CABLES1: variants seen among roughly 807,000 people sequenced by gnomAD.
The protein encoded by CABLES1 is Cdk5 and Abl enzyme substrate 1, also known as CDK5 and ABL1 enzyme substrate 1.
Under a neutral mutation model 57.8 loss-of-function variants are expected in CABLES1, and 36 were observed. That is an observed-to-expected ratio of 0.62 (90% CI 0.48 to 0.82). The LOEUF is 0.82. Among genes scored for constraint, CABLES1 ranks in the 40% least tolerant of loss-of-function variants. The pLI, the probability that CABLES1 is intolerant of heterozygous loss-of-function variation, is 0.00. For missense variants in CABLES1, 767 were observed against 836.6 expected (o/e 0.92, Z 1.03); for synonymous variants, 374 against 363.0 (o/e 1.03, Z -0.35).
chr18:23,202,306 GAAGTTCAAAAGCAACTCAAGATCTTTT>G (rs1470218906), intron 3 of CABLES1, among the ~76,000 whole-genome samples: 2 of 152,220 alleles, frequency 1.3e-5, no homozygotes, highest in Non-Finnish European at 2.9e-5. Context: ...ATTTGGATAT[GAAGTTCAAAAGCAACTCAAGATCTTTT>G]TGAAAAGCTG....
intron 2 of CABLES1, chr18:23,189,247 C>G (rs1056694651): frequency 9.1e-6 from 2 of 219,874 alleles, no homozygotes; most frequent in Non-Finnish European, 9.1e-6. Flanking sequence ...ACAGTAGGTA[C>G]AGTCCTGGAC....
At chr18:23,232,242 T>C (rs1298490786) in intron 4 of CABLES1, among the ~76,000 whole-genome samples, 3 of 152,302 alleles carry the variant, frequency 2.0e-5, no homozygotes, top group East Asian at 3.9e-4. Flanking sequence ...CAGCCCTAAG[T>C]AACATTCTCC....
rs1005625236 is a variant in CABLES1, at chr18:23,257,551, C to T, written c.*184C>T. 8.2e-6 allele frequency: 5 copies of T among 611,880 alleles called. No homozygotes were observed. Among genetic ancestry groups the T allele is most frequent in the Non-Finnish European group, 1.3e-5 (5 of 374,196 alleles). 37.9% of individuals were successfully genotyped at this position (611,880 alleles called of 1,614,324 possible). ...TCTTGGGTGTGTAGCCAAGAGGAGC[C>T]ATGAGCTATGGACTCCTCAAGCACG... On this transcript the variant is annotated 3_prime_UTR_variant, in exon 10 of 10. Transcript: ENST00000256925.
At position 23,230,244 on chromosome 18, in the gene CABLES1, C is replaced by T. The variant is rs183267779; in HGVS notation, c.1089-4364C>T. Among the ~76,000 whole-genome samples, 160 of 152,222 alleles carry T rather than the reference C, an allele frequency of 1.1e-3. 3 individuals are homozygous for T. The East Asian group carries it at 0.029, about 28-fold the overall frequency. On this transcript the variant is annotated intron_variant, in intron 4 of 9. Transcript: ENST00000256925. ...AAAATTAGCCGGGCATGGCGGCAGG[C>T]GCCTGTAGTCCCAGCTACTCGGGAG...
intron 4 of CABLES1, among the ~76,000 whole-genome samples, chr18:23,227,250 T>C (rs1276917790): frequency 6.6e-6 from 1 of 152,000 alleles, no homozygotes. Context: ...GCCCCCTTCC[T>C]CCCCACCCAC....
intron 1 of CABLES1, among the ~76,000 whole-genome samples, chr18:23,142,871 C>T (rs546126455): frequency 1.3e-4 from 20 of 152,204 alleles, no homozygotes; most frequent in East Asian, 1.2e-3. Context: ...GCCTTGGACA[C>T]GGTATTTTTA....
intron 1 of CABLES1, among the ~76,000 whole-genome samples, chr18:23,143,574 A>G (rs948189439): frequency 2.0e-5 from 3 of 152,166 alleles, no homozygotes; most frequent in African/African-American, 7.2e-5. Flanking sequence ...CACTCGTGCA[A>G]GTCTTGCCTT....
rs763646016 is a variant in CABLES1 at position 23,219,209 on chromosome 18, CTCTG to C, written c.1088+5157_1088+5160del. 1.3e-5 allele frequency: 6 copies of C among 454,106 alleles called. 2 individuals are homozygous for C. Among genetic ancestry groups the C allele is most frequent in the South Asian group, 9.3e-5 (6 of 64,476 alleles). 28.1% of individuals were successfully genotyped at this position (454,106 alleles called of 1,614,324 possible). ...TACACTGGTGAAAGAGAAAATGTCT[CTCTG>C]TGTGTGGAGCCTACTCTCCGTGCCA... On this transcript the variant is annotated intron_variant, in intron 4 of 9. Coordinates refer to ENST00000256925, the MANE Select transcript of CABLES1 (RefSeq NM_001100619.3).
intron 7 of CABLES1, among the ~76,000 whole-genome samples, chr18:23,241,025 C>T (rs1293465078): frequency 1.3e-5 from 2 of 152,158 alleles, no homozygotes; most frequent in African/African-American, 4.8e-5. Flanking sequence ...GCAGAAAGTT[C>T]TCCTCCCCAT....
At chr18:23,161,922 C>G (rs79865392) in intron 1 of CABLES1, among the ~76,000 whole-genome samples, 1 of 137,544 alleles carries the variant, frequency 7.3e-6, no homozygotes, top group East Asian at 2.1e-4. Flanking sequence ...GACTCCGTCT[C>G]AAAAAAAAAA....
chr18:23,202,000 G>A (rs1758542035), intron 3 of CABLES1, among the ~76,000 whole-genome samples: 1 of 152,236 alleles, frequency 6.6e-6, no homozygotes, highest in South Asian at 2.1e-4. Context: ...GCCGGGGTGT[G>A]TTTGAGGAAC....
intron 6 of CABLES1, 31 bp downstream of exon 6, chr18:23,236,082 C>T (rs765240092): frequency 4.1e-5 from 66 of 1,608,914 alleles, no homozygotes; most frequent in Admixed American, 5.1e-5. Context: ...TCTGGTAGCT[C>T]GTGGTGGGAG....
intron 8 of CABLES1, 108 bp downstream of exon 8, chr18:23,253,174 G>A: frequency 1.5e-6 from 1 of 675,752 alleles, no homozygotes; most frequent in South Asian, 1.7e-5. Context: ...CAGTGATTGA[G>A]TCATTGTCAC....
At chr18:23,242,273 T>C (rs1210126157) in intron 7 of CABLES1, among the ~76,000 whole-genome samples, 1 of 152,000 alleles carries the variant, frequency 6.6e-6, no homozygotes, top group African/African-American at 2.4e-5. Flanking sequence ...AATGAAACTC[T>C]GTCTCAAAAA....
intron 1 of CABLES1, among the ~76,000 whole-genome samples, chr18:23,144,602 C>T (rs1446169062): frequency 6.6e-6 from 1 of 152,132 alleles, no homozygotes; most frequent in Non-Finnish European, 1.5e-5. Flanking sequence ...AAACAGGTTG[C>T]CTACTTTAGA....
chr18:23,145,688 CTG>C (rs1014523893), intron 1 of CABLES1, among the ~76,000 whole-genome samples: 1 of 152,166 alleles, frequency 6.6e-6, no homozygotes, highest in African/African-American at 2.4e-5. Flanking sequence ...GTTTTACCAA[CTG>C]TGTAATGTTG....
At chr18:23,144,782 T>C (rs1256295704) in intron 1 of CABLES1, among the ~76,000 whole-genome samples, 1 of 152,314 alleles carries the variant, frequency 6.6e-6, no homozygotes, top group South Asian at 2.1e-4. Context: ...GACTGAGGAA[T>C]CTGAGGTGGT....
chr18:23,209,497 A>G (rs1026514778), intron 3 of CABLES1, among the ~76,000 whole-genome samples: 2 of 152,186 alleles, frequency 1.3e-5, no homozygotes, highest in African/African-American at 4.8e-5. Context: ...AATGAACCAC[A>G]GAATTTTTGC....
chr18:23,245,656 A>AGCAGG, intron 7 of CABLES1, among the ~76,000 whole-genome samples: 1 of 152,220 alleles, frequency 6.6e-6, no homozygotes. Context: ...GACTGTCTCC[A>AGCAGG]GCAGGGCAGG....
Sources: allele counts gnomAD v4.1 joint callset (sites outside exome capture counted in the v4.1 genomes callset), GRCh38; gene constraint gnomAD v4.1.1; transcripts MANE v1.5; gene names NCBI Gene and HGNC (gene_info 2026-07-23, HGNC 2026-07-21).